The following DERL1 variants were observed in gnomAD, a reference collection of about 807,000 sequenced individuals.
DERL1 encodes derlin 1.
A neutral mutation model predicts 41.6 loss-of-function variants in DERL1; 24 were observed. The ratio of observed to expected loss-of-function variants is 0.58; its 90% confidence interval spans 0.42 to 0.81. The LOEUF is 0.81. DERL1 is among the 30% of genes least tolerant of loss of function. The pLI is 0.00. For synonymous variants in DERL1, 124 were observed against 112.5 expected, an observed-to-expected ratio of 1.10 and a Z score of -0.65; for missense variants, 260 against 314.3, an observed-to-expected ratio of 0.83 and a Z score of 1.31.
intron 3 of DERL1, 123 bp downstream of exon 3, chr8:123,024,863 T>C: frequency 1.1e-6 from 1 of 935,678 alleles, no homozygotes. Context: ...ATTATTCTTA[T>C]TAACGGTAGT....
intron 1 of DERL1, 113 bp downstream of exon 1, chr8:123,041,857 C>T: frequency 1.4e-6 from 2 of 1,392,756 alleles, no homozygotes; most frequent in Non-Finnish European, 1.9e-6. Flanking sequence ...CGGCGCCGGA[C>T]CCACTACAAA....
Position 123,041,897 on chromosome 8 carries a change from G to A in DERL1, c.153+73C>T, listed in dbSNP as rs1813082852. On this transcript the variant is annotated intron_variant, in intron 1 of 7. Coordinates refer to ENST00000259512, the MANE Select transcript of DERL1 (RefSeq NM_024295.6). Reference sequence around the variant, plus strand: ...AGCAGGCACCGCGCGCCCGCAACATGCCAGCCTACGCTTAGCCGCCGCTGG... The same window carrying A: ...AGCAGGCACCGCGCGCCCGCAACATACCAGCCTACGCTTAGCCGCCGCTGG... 4 of 1,470,860 alleles carry A rather than the reference G, an allele frequency of 2.7e-6. No individual in the cohort carries two copies. In the South Asian group the frequency reaches 5.5e-5, roughly 20 times the overall value. 91.1% of individuals were successfully genotyped at this position (1,470,860 alleles called of 1,614,324 possible). A position where few individuals can be genotyped will look rare whatever the true frequency, so the allele number is the denominator to read the frequency against.
In DERL1 at chr8:123,042,042, C is replaced by T. The variant is rs751992286; in HGVS notation, c.81G>A (p.Leu27=). The change falls in exon 1 of 8, where the codon TTG becomes TTA. Residue 27 remains leucine, a synonymous_variant. Transcript: ENST00000259512. ...YWFAATVAVP[L]VGKLGLISPA... ...GGCTGATGAGGCCGAGTTTGCCGAC[C>T]AAGGGCACGGCGACGGTGGCGGCGA... is the stretch of plus-strand genomic sequence containing the variant. 2 of 1,613,944 alleles carry T rather than the reference C, an allele frequency of 1.2e-6. No individual in the cohort carries two copies. The highest frequency in any genetic ancestry group is 1.7e-6 in the Non-Finnish European group (2 of 1,179,940).
intron 1 of DERL1, among the ~76,000 whole-genome samples, chr8:123,036,710 G>A (rs1177852470): frequency 2.0e-5 from 3 of 152,108 alleles, no homozygotes; most frequent in Admixed American, 6.5e-5. Context: ...CTTAAATTAC[G>A]TACCAGAACA....
chr8:123,041,844 C>G, intron 1 of DERL1, 126 bp downstream of exon 1: 1 of 1,341,672 alleles, frequency 7.5e-7, no homozygotes, highest in Non-Finnish European at 9.8e-7. Context: ...CGCCCTAAAC[C>G]GCCGGCGCCG....
chr8:123,019,626 C>T (rs1814703882), intron 6 of DERL1, among the ~76,000 whole-genome samples: 2 of 152,190 alleles, frequency 1.3e-5, no homozygotes, highest in Admixed American at 1.3e-4. Context: ...GCAAAGCATG[C>T]TTCTGAATGC....
At chr8:123,030,294 G>A (rs62522694) in intron 2 of DERL1, 7,656 of 210,714 alleles carry the variant, frequency 0.036, 217 homozygotes, top group Non-Finnish European at 0.051. Flanking sequence ...AGAAATGAGT[G>A]AGACCCTCAA....
chr8:123,020,455 C>T (rs999373353), intron 6 of DERL1, among the ~76,000 whole-genome samples: 7 of 151,616 alleles, frequency 4.6e-5, no homozygotes, highest in Admixed American at 2.0e-4. Flanking sequence ...ACTCCAACCT[C>T]GGTGACAGAG....
Position 123,034,690 on chromosome 8 carries a change from A to G in DERL1, c.154-3974T>C, listed in dbSNP as rs1812887500. Among the ~76,000 whole-genome samples, 2 of 152,234 alleles carry G rather than the reference A, an allele frequency of 1.3e-5. 1 individual carries two copies. The highest frequency in any genetic ancestry group is 1.3e-4 in the Admixed American group (2 of 15,282). ...CGTCAGTATTATGAGGTACAATTAC[A>G]ATTAGTGTAAGTGTTCACTACTACA... On this transcript the variant is annotated intron_variant, in intron 1 of 7. Transcript: ENST00000259512.
chr8:123,041,041 G>C (rs1238452755), intron 1 of DERL1, among the ~76,000 whole-genome samples: 1 of 152,212 alleles, frequency 6.6e-6, no homozygotes, highest in African/African-American at 2.4e-5. Flanking sequence ...GAGGCTGAAT[G>C]AATGAGACCA....
chr8:123,022,997 A>C (rs1359384819), intron 4 of DERL1, among the ~76,000 whole-genome samples: 1 of 152,224 alleles, frequency 6.6e-6, no homozygotes, highest in Non-Finnish European at 1.5e-5. Flanking sequence ...TTTTAGATGG[A>C]TTCAGAAATG....
chr8:123,034,285 C>T (rs570592150), intron 1 of DERL1, among the ~76,000 whole-genome samples: 6 of 152,238 alleles, frequency 3.9e-5, no homozygotes, highest in African/African-American at 1.2e-4. Context: ...TTCCAAGAAA[C>T]GTGTATTAAA....
At chr8:123,032,863 C>CTTTTTT (rs200724608) in intron 1 of DERL1, among the ~76,000 whole-genome samples, 8 of 122,010 alleles carry the variant, frequency 6.6e-5, no homozygotes, top group Non-Finnish European at 8.5e-5. Flanking sequence ...TTTCTATTTT[C>CTTTTTT]TTTTTTTTTT....
At chr8:123,038,608 C>T (rs1212745165) in intron 1 of DERL1, among the ~76,000 whole-genome samples, 1 of 152,162 alleles carries the variant, frequency 6.6e-6, no homozygotes, top group Non-Finnish European at 1.5e-5. Flanking sequence ...ATTTACATTG[C>T]TTCTTTACAA....
intron 6 of DERL1, among the ~76,000 whole-genome samples, chr8:123,020,079 C>A (rs1814719865): frequency 6.6e-6 from 1 of 152,218 alleles, no homozygotes; most frequent in Non-Finnish European, 1.5e-5. Flanking sequence ...TTCTCCCCAG[C>A]AATATGCAGA....
intron 7 of DERL1, chr8:123,016,675 A>T (rs1201068954): frequency 6.6e-6 from 1 of 152,250 alleles, no homozygotes; most frequent in Admixed American, 6.5e-5. Flanking sequence ...CGAAAGTGAC[A>T]GGATTCCAAC....
In DERL1 at chr8:123,015,269, G is replaced by T; in HGVS notation, c.*178C>A. 1 of 867,352 alleles carries T rather than the reference G, an allele frequency of 1.2e-6. No homozygotes were observed. Among genetic ancestry groups the T allele is most frequent in the Non-Finnish European group, 1.7e-6 (1 of 599,666 alleles). 53.7% of individuals were successfully genotyped at this position (867,352 alleles called of 1,614,324 possible). ...AGCAGTAAGGACTTGAATGAGAATCGTGAAACTTGTGGAACACTTATATTT... is the reference window on the plus strand; with the variant it reads ...AGCAGTAAGGACTTGAATGAGAATCTTGAAACTTGTGGAACACTTATATTT... On this transcript the variant is annotated 3_prime_UTR_variant, in exon 8 of 8. Coordinates refer to ENST00000259512, the MANE Select transcript of DERL1 (RefSeq NM_024295.6).
chr8:123,029,240 T>C (rs1181609551), intron 2 of DERL1, among the ~76,000 whole-genome samples: 3 of 152,188 alleles, frequency 2.0e-5, no homozygotes, highest in East Asian at 3.8e-4. Context: ...AGAGGCCTAG[T>C]TGTCAGTTTC....
intron 1 of DERL1, among the ~76,000 whole-genome samples, chr8:123,034,286 G>A (rs539267491): frequency 6.6e-6 from 1 of 152,262 alleles, no homozygotes; most frequent in East Asian, 1.9e-4. Flanking sequence ...TCCAAGAAAC[G>A]TGTATTAAAC....
Sources: gnomAD v4.1 joint callset for allele counts (sites outside exome capture counted in the v4.1 genomes callset) on GRCh38, gnomAD v4.1.1 for gene constraint, MANE v1.5 for transcripts, NCBI Gene and HGNC (gene_info 2026-07-23, HGNC 2026-07-21) for gene names.